TRPC5: variants seen among roughly 807,000 people sequenced by gnomAD.
TRPC5 encodes transient receptor potential cation channel subfamily C member 5.
TRPC5 carries 9 observed loss-of-function variants against 56.5 expected under a neutral mutation model. The ratio of observed to expected loss-of-function variants is 0.16; its 90% CI spans 0.10 to 0.28. TRPC5 has a LOEUF of 0.28. Ranked by LOEUF, TRPC5 falls within the 10% of genes least tolerant of loss-of-function variation. The probability of loss-of-function intolerance (pLI) is 1.00; values close to 1 mark genes in which losing one functional copy is unlikely to be tolerated. For missense variants in TRPC5, 469 were observed against 748.9 expected, an observed-to-expected ratio of 0.63 and a Z score of 4.36; for synonymous variants, 282 against 278.5, an observed-to-expected ratio of 1.01 and a Z score of -0.13.
At chrX:111,854,134 A>T (rs984812187) in intron 3 of TRPC5, 28 bp from the exon 4 acceptor site, 1 of 1,166,164 alleles carries the variant, frequency 8.6e-7, no homozygotes, top group Non-Finnish European at 1.2e-6. Flanking sequence ...CAAGTTAGGC[A>T]TCTGGAATGT....
At chrX:111,922,798 G>A (rs1292664923) in intron 2 of TRPC5, among the ~76,000 whole-genome samples, 1 of 111,450 alleles carries the variant, frequency 9.0e-6, no homozygotes, top group African/African-American at 3.3e-5. Flanking sequence ...AGAACCCACT[G>A]GCCTTTAAAA....
At chrX:111,778,229 G>A (rs951252727) in intron 10 of TRPC5, among the ~76,000 whole-genome samples, 1 of 110,949 alleles carries the variant, frequency 9.0e-6, no homozygotes, top group Non-Finnish European at 1.9e-5. Context: ...AAACCACCAC[G>A]GCACATGTAT....
chrX:111,791,198 C>T (rs886175376), intron 7 of TRPC5, among the ~76,000 whole-genome samples: 2 of 110,090 alleles, frequency 1.8e-5, no homozygotes, highest in Non-Finnish European at 3.8e-5. Context: ...TCCTTTTCCT[C>T]CACAGGTCCC....
intron 1 of TRPC5, among the ~76,000 whole-genome samples, chrX:111,953,681 A>G (rs956716513): frequency 1.8e-5 from 2 of 112,224 alleles, no homozygotes; most frequent in Non-Finnish European, 3.8e-5. Flanking sequence ...GCTAAAGGAC[A>G]TGGAAATGTG....
chrX:111,806,765 A>G (rs762531670), intron 7 of TRPC5, among the ~76,000 whole-genome samples: 1 of 106,551 alleles, frequency 9.4e-6, no homozygotes, highest in Non-Finnish European at 1.9e-5. Flanking sequence ...AACAGTTACC[A>G]TTTTTTTTTC....
intron 7 of TRPC5, among the ~76,000 whole-genome samples, chrX:111,829,865 A>T (rs1490658522): frequency 8.8e-6 from 1 of 113,166 alleles, no homozygotes; most frequent in Non-Finnish European, 1.9e-5. Context: ...GTGGGGTGGG[A>T]GTCCCCACAC....
chrX:112,078,766 T>C, intron 1 of TRPC5, among the ~76,000 whole-genome samples: 1 of 112,150 alleles, frequency 8.9e-6, no homozygotes. Context: ...TTGAGCATGA[T>C]GTACATGTTT....
chrX:112,032,079 G>A (rs1361659993), intron 1 of TRPC5, among the ~76,000 whole-genome samples: 1 of 110,862 alleles, frequency 9.0e-6, no homozygotes, highest in Admixed American at 9.7e-5. Flanking sequence ...TTAAAAATAG[G>A]CAAAAGAGCT....
At position 111,776,808 on chromosome X, in the gene TRPC5, A is replaced by G. The variant is rs775152060; in HGVS notation, c.2427T>C (p.His809=). The G allele has an allele frequency of 8.3e-7, 1 of 1,210,440 alleles. No individual in the cohort carries two copies. Among genetic ancestry groups the G allele is most frequent in the Non-Finnish European group, 1.1e-6 (1 of 895,015 alleles). Residue 809 remains histidine (H), a synonymous_variant, in exon 11 of 11, where the codon CAT becomes CAC. Coordinates refer to ENST00000262839, the MANE Select transcript of TRPC5 (RefSeq NM_012471.3). Reference sequence around the variant, plus strand: ...GCATGGTTCTGATGAGAGGTGGCCCATGGCAAGTCTTTTTCTTGCAGCCTA... The same window carrying G: ...GCATGGTTCTGATGAGAGGTGGCCCGTGGCAAGTCTTTTTCTTGCAGCCTA... ...FNLGCKKKTC[H]GPPLIRTMPR...
intron 7 of TRPC5, among the ~76,000 whole-genome samples, chrX:111,782,842 T>C (rs1237088925): frequency 2.4e-4 from 10 of 41,711 alleles, no homozygotes; most frequent in African/African-American, 7.7e-4. Flanking sequence ...CACACACACA[T>C]CAGTGTACAT....
intron 2 of TRPC5, among the ~76,000 whole-genome samples, chrX:111,929,642 A>C (rs963100337): frequency 8.9e-6 from 1 of 112,217 alleles, no homozygotes; most frequent in East Asian, 2.8e-4. Flanking sequence ...TTGCCTCTCT[A>C]CTAAGCCAAT....
At chrX:112,048,689 T>C (rs1930134602) in intron 1 of TRPC5, among the ~76,000 whole-genome samples, 1 of 111,803 alleles carries the variant, frequency 8.9e-6, no homozygotes, top group South Asian at 3.8e-4. Flanking sequence ...TAGAAAAGTG[T>C]CTGGAACACC....
chrX:111,979,350 G>A (rs1928017345), intron 1 of TRPC5, among the ~76,000 whole-genome samples: 1 of 111,099 alleles, frequency 9.0e-6, no homozygotes, highest in African/African-American at 3.3e-5. Context: ...TATGTGTAAG[G>A]CCTAAAATCA....
intron 3 of TRPC5, among the ~76,000 whole-genome samples, chrX:111,869,316 G>A (rs1158888422): frequency 1.8e-5 from 2 of 111,618 alleles, no homozygotes; most frequent in Non-Finnish European, 3.8e-5. Context: ...CTAATCCATG[G>A]CTAGTTTTAT....
At chrX:111,974,280 C>T (rs186641756) in intron 1 of TRPC5, among the ~76,000 whole-genome samples, 4 of 111,274 alleles carry the variant, frequency 3.6e-5, no homozygotes, top group African/African-American at 1.3e-4. Flanking sequence ...GGAACTGAAG[C>T]AGAGCCTGGT....
Position 111,768,105 on chromosome X carries a change from A to C in TRPC5, c.*8208T>G, listed in dbSNP as rs1042964369. On this transcript the variant is annotated 3_prime_UTR_variant, in exon 11 of 11. Coordinates refer to ENST00000262839, the MANE Select transcript of TRPC5 (RefSeq NM_012471.3). ...TGTACAAGATTCTTTTTAATACATT[A>C]AGATTGACACTGTGCACTTACAGAA... 2.0e-4 allele frequency among the ~76,000 whole-genome samples: 22 copies of C among 112,407 alleles called. No homozygotes were observed. The highest frequency in any genetic ancestry group is 6.1e-4 in the African/African-American group (19 of 30,984).
intron 7 of TRPC5, among the ~76,000 whole-genome samples, chrX:111,827,202 A>G (rs1173015666): frequency 9.0e-6 from 1 of 111,503 alleles, no homozygotes; most frequent in African/African-American, 3.3e-5. Context: ...TGGATAATCC[A>G]TCCTCACATT....
Position 111,879,527 on chromosome X carries a change from C to T in TRPC5, c.901-25421G>A, listed in dbSNP as rs907409516. On this transcript the variant is annotated intron_variant, in intron 3 of 10. Coordinates refer to ENST00000262839, the MANE Select transcript of TRPC5 (RefSeq NM_012471.3). ...CTGCCCTATGGTGAAGTCCAATAAACCAGTCAGCACATCTTTATCAAGTAC... is the reference window on the plus strand; with the variant it reads ...CTGCCCTATGGTGAAGTCCAATAAATCAGTCAGCACATCTTTATCAAGTAC... Among the ~76,000 whole-genome samples, 3 of 112,246 alleles carry T rather than the reference C, an allele frequency of 2.7e-5. No homozygotes were observed. The East Asian group carries it at 8.4e-4, about 31-fold the overall frequency.
rs145096310 is a variant in TRPC5 at position 112,082,335 on chromosome X, C to T, written c.-478G>A. ...CGGGGAAACTGACAGGGGTAGCTGA[C>T]ACTGTAGTGTGAAGGAGAGGGAGAA... is the stretch of plus-strand genomic sequence containing the variant. On this transcript the variant is annotated 5_prime_UTR_variant, in exon 1 of 11. Coordinates refer to ENST00000262839, the MANE Select transcript of TRPC5 (RefSeq NM_012471.3). 15 of 110,146 alleles carry T rather than the reference C, an allele frequency of 1.4e-4. No homozygotes were observed. Among genetic ancestry groups the T allele is most frequent in the African/African-American group, 5.0e-4 (15 of 30,087 alleles). 9.1% of individuals were successfully genotyped at this position (110,146 alleles called of 1,213,427 possible). A position where few individuals can be genotyped will look rare whatever the true frequency, so the allele number is the denominator to read the frequency against.
Sources: allele counts gnomAD v4.1 joint callset (sites outside exome capture counted in the v4.1 genomes callset), GRCh38; gene constraint gnomAD v4.1.1; transcripts MANE v1.5; gene names NCBI Gene and HGNC (gene_info 2026-07-23, HGNC 2026-07-21).